TNC: variants seen among roughly 807,000 people sequenced by gnomAD.
TNC encodes the protein tenascin.
TNC carries 109 observed loss-of-function variants against 202.4 expected under a neutral mutation model. That is an observed-to-expected ratio of 0.54 (90% CI 0.46 to 0.63). TNC has a LOEUF of 0.63. Ranked by LOEUF, TNC falls within the 30% of genes least tolerant of loss-of-function variation. The pLI is 0.00. For missense variants in TNC, 2,756 were observed against 2,833.3 expected (o/e 0.97, Z 0.62); for synonymous variants, 1,007 against 1,089.7 (o/e 0.92, Z 1.50).
At chr9:115,103,773 T>C (rs1836411481) in intron 1 of TNC, among the ~76,000 whole-genome samples, 1 of 152,358 alleles carries the variant, frequency 6.6e-6, no homozygotes. Context: ...AAATAGTGTT[T>C]CTTTCCATAG....
rs1836265480 is a variant in TNC, at chr9:115,101,881, G to C, written c.-136-10727C>G. On this transcript the variant is annotated intron_variant, in intron 1 of 27. Transcript: ENST00000350763. ...ACAATCACCAAATAGTGGTTGAAAA[G>C]GCCTTGGAAGATCATTAAGAAGTTG... is the stretch of plus-strand genomic sequence containing the variant. Among the ~76,000 whole-genome samples, 3 of 152,080 alleles carry C rather than the reference G, an allele frequency of 2.0e-5. No homozygotes were observed. The South Asian group carries it at 6.2e-4, about 32-fold the overall frequency.
chr9:115,075,917 G>A, intron 9 of TNC, 115 bp downstream of exon 9: 1 of 845,442 alleles, frequency 1.2e-6, no homozygotes, highest in Admixed American at 1.9e-5. Context: ...GTACTACAGG[G>A]CCCTTTTTCC....
chr9:115,085,983 C>T lies in TNC; in HGVS notation c.1748G>A (p.Gly583Asp). 1 of 1,613,956 alleles carries T rather than the reference C, an allele frequency of 6.2e-7. No individual in the cohort carries two copies. Among genetic ancestry groups the T allele is most frequent in the Non-Finnish European group, 8.5e-7 (1 of 1,179,912 alleles). ...CTGGCCACAGTCCAGGCCTGTGAAG[C>T]CCTCGTGGCAGATGCACTGGCCGTC... is the stretch of plus-strand genomic sequence containing the variant. ...CVDGQCICHE[G>D]FTGLDCGQHS... The change falls in exon 3 of 28, where the codon GGC becomes GAC. Residue 583 changes from glycine (G) to aspartate (D), a missense_variant. Gly to Asp is a moderately conservative substitution (Grantham distance 94). Transcript: ENST00000350763.
intron 1 of TNC, among the ~76,000 whole-genome samples, chr9:115,101,675 A>T (rs74955004): frequency 0.025 from 3,744 of 152,268 alleles, 154 homozygotes; most frequent in African/African-American, 0.086. Context: ...TGGACCTCCC[A>T]ATGTGCTGGG....
chr9:115,073,389 C>T (rs970288327), intron 10 of TNC, among the ~76,000 whole-genome samples: 1 of 152,162 alleles, frequency 6.6e-6, no homozygotes, highest in Non-Finnish European at 1.5e-5. Flanking sequence ...TTTTAAAACC[C>T]CTATTTCCCA....
Position 115,023,973 on chromosome 9 carries a change from C to A in TNC, c.6495G>T (p.Gln2165His). The A allele has an allele frequency of 6.2e-7, 1 of 1,613,328 alleles. No individual in the cohort carries two copies. The highest frequency in any genetic ancestry group is 8.5e-7 in the Non-Finnish European group (1 of 1,179,382). Reference protein sequence around the residue: ...MGRYGDNNHSQGVNWFHWKGH... With the variant: ...MGRYGDNNHSHGVNWFHWKGH... ...CTCTGGGCCCTCACGGTCCACTCACCTGACTGTGGTTATTGTCCCCATATC... is the reference window on the plus strand; with the variant it reads ...CTCTGGGCCCTCACGGTCCACTCACATGACTGTGGTTATTGTCCCCATATC... Residue 2165 changes from glutamine to histidine, a missense_variant and splice_region_variant, in exon 27 of 28, where the codon CAG becomes CAT. This residue lies in a region of TNC where 197 missense variants were observed against 287.3 expected (regional missense o/e 0.69). Coordinates refer to ENST00000350763, the MANE Select transcript of TNC (RefSeq NM_002160.4).
intron 10 of TNC, among the ~76,000 whole-genome samples, chr9:115,069,058 T>A (rs1001490645): frequency 2.6e-5 from 4 of 152,256 alleles, no homozygotes; most frequent in African/African-American, 9.6e-5. Context: ...CGGCATCGCC[T>A]GACCCACAGT....
chr9:115,037,855 G>T (rs555003909), intron 20 of TNC, among the ~76,000 whole-genome samples: 40 of 152,278 alleles, frequency 2.6e-4, no homozygotes, highest in African/African-American at 9.4e-4. Context: ...AATTAAATCT[G>T]CTAAAACTAG....
chr9:115,087,302 C>A (rs775584753), intron 2 of TNC, 29 bp from the exon 3 acceptor site: 28 of 1,603,758 alleles, frequency 1.7e-5, no homozygotes, highest in Non-Finnish European at 2.3e-5. Flanking sequence ...AAGTTCTCAG[C>A]CAGGCTTAAG....
intron 15 of TNC, among the ~76,000 whole-genome samples, chr9:115,049,790 G>C (rs529630961): frequency 6.6e-6 from 1 of 152,018 alleles, no homozygotes; most frequent in East Asian, 1.9e-4. Context: ...AGAGATAAAT[G>C]CTCTTGCATT....
In TNC at chr9:115,076,088, A is replaced by G. The variant is rs757939759; in HGVS notation, c.2894T>C (p.Val965Ala). 1.9e-6 allele frequency: 3 copies of G among 1,613,918 alleles called. No homozygotes were observed. The highest frequency in any genetic ancestry group is 1.7e-6 in the Non-Finnish European group (2 of 1,180,010). ...LRPGTEYGIG[V>A]SAVKEDKESN... is the part of the protein sequence containing the mutation. ...CTCCTTGTCTTCCTTCACAGCAGAA[A>G]CTCCAATCCCATATTCAGTTCCCGG... Residue 965 changes from valine (V) to alanine (A), a missense_variant, in exon 9 of 28, where the codon GTT (valine) becomes GCT (alanine). Transcript: ENST00000350763.
intron 2 of TNC, among the ~76,000 whole-genome samples, chr9:115,088,293 G>A (rs1398977671): frequency 6.6e-6 from 1 of 152,164 alleles, no homozygotes; most frequent in African/African-American, 2.4e-5. Context: ...GTTGGCTCAA[G>A]TTGGTATGTG....
intron 26 of TNC, among the ~76,000 whole-genome samples, chr9:115,024,490 A>G (rs1373033911): frequency 6.6e-6 from 1 of 152,210 alleles, no homozygotes; most frequent in Non-Finnish European, 1.5e-5. Context: ...TTGATTCTAT[A>G]TACTGAGTAG....
chr9:115,059,625 A>T lies in TNC; in HGVS notation c.4306+105T>A, dbSNP rs2132509907. ...CATGCACAGCCGGCCACTGAAAGGC[A>T]CATGAAAAGGATTCAGTTATGGCGA... On this transcript the variant is annotated intron_variant, in intron 14 of 27. Coordinates refer to ENST00000350763, the MANE Select transcript of TNC (RefSeq NM_002160.4). 3.2e-6 allele frequency: 4 copies of T among 1,244,400 alleles called. No homozygotes were observed. The East Asian group carries it at 9.4e-5, about 29-fold the overall frequency. 77.1% of individuals were successfully genotyped at this position (1,244,400 alleles called of 1,614,324 possible).
chr9:115,076,725 G>T, intron 7 of TNC, 150 bp from the exon 8 acceptor site: 1 of 882,158 alleles, frequency 1.1e-6, no homozygotes, highest in Non-Finnish European at 1.7e-6. Context: ...TAGTGGATGT[G>T]CAAATCTAAA....
intron 17 of TNC, among the ~76,000 whole-genome samples, chr9:115,043,882 G>A (rs903821897): frequency 2.0e-5 from 3 of 152,160 alleles, no homozygotes; most frequent in Non-Finnish European, 4.4e-5. Flanking sequence ...GTATCTTATG[G>A]CCAAACACAT....
intron 1 of TNC, among the ~76,000 whole-genome samples, chr9:115,116,074 C>A (rs1837441579): frequency 1.3e-5 from 2 of 152,178 alleles, no homozygotes; most frequent in Admixed American, 1.3e-4. Flanking sequence ...TATATTACCT[C>A]ATTTGAATGT....
intron 10 of TNC, among the ~76,000 whole-genome samples, chr9:115,073,007 G>A (rs1237441694): frequency 6.6e-6 from 1 of 152,148 alleles, no homozygotes; most frequent in Non-Finnish European, 1.5e-5. Flanking sequence ...ACAATGTCAG[G>A]ATTAAGCTGT....
chr9:115,029,174 C>T (rs1210209021), intron 25 of TNC, among the ~76,000 whole-genome samples, 186 bp downstream of exon 25: 1 of 151,792 alleles, frequency 6.6e-6, no homozygotes, highest in Non-Finnish European at 1.5e-5. Flanking sequence ...TTTTGGTTTA[C>T]ATTTTGATGA....
Sources: gnomAD v4.1 joint callset for allele counts (sites outside exome capture counted in the v4.1 genomes callset) on GRCh38, gnomAD v4.1.1 for gene constraint, gnomAD v4.1.1 regional missense constraint, MANE v1.5 for transcripts, NCBI Gene and HGNC (gene_info 2026-07-23, HGNC 2026-07-21) for gene names.